Variants in PRDM15 observed in about 807,000 individuals in gnomAD.
PRDM15 encodes PR/SET domain 15, also known as PR domain zinc finger protein 15.
In PRDM15, 64 loss-of-function variants were observed where a neutral mutation model predicts 128.6. That is an observed-to-expected ratio of 0.50 (90% CI 0.41 to 0.61). PRDM15 has a LOEUF of 0.61. Among genes scored for constraint, PRDM15 ranks in the 20% least tolerant of loss-of-function variants. The pLI, the probability that PRDM15 is intolerant of heterozygous loss-of-function variation, is 0.00. For missense variants in PRDM15, 1,242 were observed against 1,569.1 expected (o/e 0.79, Z 3.52); for synonymous variants, 615 against 621.8 (o/e 0.99, Z 0.16).
intron 21 of PRDM15, among the ~76,000 whole-genome samples, chr21:41,805,788 A>T: frequency 6.8e-6 from 1 of 148,128 alleles, no homozygotes; most frequent in African/African-American, 2.5e-5. Flanking sequence ...CACCAACACC[A>T]CCACCACCAA....
intron 1 of PRDM15, among the ~76,000 whole-genome samples, chr21:41,866,835 G>C (rs1172189308): frequency 6.6e-6 from 1 of 152,200 alleles, no homozygotes; most frequent in Non-Finnish European, 1.5e-5. Context: ...GGGGAAGCCA[G>C]AGAGGGCTGG....
intron 1 of PRDM15, among the ~76,000 whole-genome samples, chr21:41,863,628 G>C (rs2063899349): frequency 6.6e-6 from 1 of 151,554 alleles, no homozygotes; most frequent in South Asian, 2.1e-4. Context: ...AGGCAAATGG[G>C]GGGTGACTTC....
rs748507496 is a variant in PRDM15 at position 41,801,254 on chromosome 21, TCTGCTG to T, written c.3406_3411del (p.Gln1136_Gln1137del). The T allele has an allele frequency of 3.3e-5, 51 of 1,530,640 alleles. No homozygotes were observed. Among genetic ancestry groups the T allele is most frequent in the Non-Finnish European group, 4.2e-5 (48 of 1,141,486 alleles). 94.8% of individuals were successfully genotyped at this position (1,530,640 alleles called of 1,614,324 possible). A position where few individuals can be genotyped will look rare whatever the true frequency, so the allele number is the denominator to read the frequency against. The stretch of plus-strand genomic sequence containing the variant: ...CGGAACGCAGCTCAGTAGCTGTACA[TCTGCTG>T]CTGCTGCTGCTCCGCCTGCACCTGG... On this transcript the variant is annotated inframe_deletion, in exon 24 of 24. Coordinates refer to ENST00000398548, the MANE Select transcript of PRDM15 (RefSeq NM_001040424.3).
Position 41,810,378 on chromosome 21 carries a change from G to T in PRDM15, c.2477-49C>A, listed in dbSNP as rs200167117. 4 of 1,571,022 alleles carry T rather than the reference G, an allele frequency of 2.5e-6. No individual in the cohort carries two copies. Among genetic ancestry groups the T allele is most frequent in the South Asian group, 2.3e-5 (2 of 85,744 alleles). ...CATGCGCGTGGAAAGGAAGAGACAC[G>T]CAGGTCACTAGTGCAGCCATCCCAA... On this transcript the variant is annotated intron_variant, in intron 20 of 23. Coordinates refer to ENST00000398548, the MANE Select transcript of PRDM15 (RefSeq NM_001040424.3). The surrounding 1 kb of genome is among the most constrained non-coding windows in gnomAD (Gnocchi z 6.4).
rs1394681026 is a variant in PRDM15, at chr21:41,839,865, G to A, written c.641-12C>T. 1 of 1,610,700 alleles carries A rather than the reference G, an allele frequency of 6.2e-7. No individual in the cohort carries two copies. The highest frequency in any genetic ancestry group is 8.5e-7 in the Non-Finnish European group (1 of 1,177,080). On this transcript the variant is annotated splice_polypyrimidine_tract_variant and intron_variant, in intron 6 of 23. Coordinates refer to ENST00000398548, the MANE Select transcript of PRDM15 (RefSeq NM_001040424.3). ...GCCCAACAGATGTTCTGCAAAGAGA[G>A]ACGCGAATGCACCACACAATTAGGA...
Position 41,870,149 on chromosome 21 carries a change from A to G in PRDM15, c.-10+9121T>C, listed in dbSNP as rs978205115. The stretch of plus-strand genomic sequence containing the variant: ...TGAGAACAATCTTGGTTTAAGCCAT[A>G]AAAATTCTTGCTCAGATTCACATAT... On this transcript the variant is annotated intron_variant, in intron 1 of 23. Coordinates refer to ENST00000398548, the MANE Select transcript of PRDM15 (RefSeq NM_001040424.3). 2.6e-5 allele frequency among the ~76,000 whole-genome samples: 4 copies of G among 152,376 alleles called. No individual in the cohort carries two copies. In the South Asian group the frequency reaches 8.3e-4, roughly 32 times the overall value.
In PRDM15 at chr21:41,874,502, CATATATAT is replaced by C. The variant is rs756151491; in HGVS notation, c.-10+4760_-10+4767del. On this transcript the variant is annotated intron_variant, in intron 1 of 23. Transcript: ENST00000398548. ...AAACCTACTATAACTAAGCAGCATGCATATATATATATATATATATATATTTTTTTTTT... is the reference window on the plus strand; with the variant it reads ...AAACCTACTATAACTAAGCAGCATGCATATATATATATATATTTTTTTTTT... Among the ~76,000 whole-genome samples the C allele has an allele frequency of 2.8e-4, 33 of 118,660 alleles. 1 individual carries two copies. The highest frequency in any genetic ancestry group is 9.4e-3 in the Middle Eastern group (2 of 212). 77.8% of individuals were successfully genotyped at this position (118,660 alleles called of 152,430 possible).
rs559901294 is a variant in PRDM15, at chr21:41,810,488, G to A, written c.2477-159C>T. The stretch of plus-strand genomic sequence containing the variant: ...CCGGTGCTGGTCCCCGAGCACACAT[G>A]AGCACAGAGCCTCTGTCCCTTGGGG... On this transcript the variant is annotated intron_variant, in intron 20 of 23. Transcript: ENST00000398548. This position sits in a 1 kb window ranked among gnomAD's most constrained non-coding sequence, Gnocchi z 6.4. 35 of 761,198 alleles carry A rather than the reference G, an allele frequency of 4.6e-5. No individual in the cohort carries two copies. The African/African-American group carries it at 5.8e-4, about 13-fold the overall frequency. The allele number at this position is 761,198 out of a possible 1,614,324, so 47.2% of individuals were successfully genotyped here.
chr21:41,817,958 A>G (rs1000746122), intron 18 of PRDM15, among the ~76,000 whole-genome samples: 9 of 152,330 alleles, frequency 5.9e-5, no homozygotes, highest in Admixed American at 1.3e-4. Context: ...ATGTGGCTTT[A>G]CCCCACACCC....
chr21:41,825,469 C>T (rs560740394), intron 13 of PRDM15, among the ~76,000 whole-genome samples: 5 of 152,354 alleles, frequency 3.3e-5, no homozygotes, highest in Admixed American at 2.0e-4. Flanking sequence ...TCTTGGGCAG[C>T]GCCGGGCATC....
At position 41,859,176 on chromosome 21, in the gene PRDM15, C is replaced by T. The variant is rs1331750755; in HGVS notation, c.131+416G>A. On this transcript the variant is annotated intron_variant, in intron 3 of 23. Transcript: ENST00000398548. This position sits in a 1 kb window ranked among gnomAD's most constrained non-coding sequence, Gnocchi z 5.3. ...TCAGCCCTGTCCCTGTCCTCATAAC[C>T]CCGCATCCCCTGCCCCGCCTGGGTG... The T allele has an allele frequency of 6.2e-7, 1 of 1,613,906 alleles. No individual in the cohort carries two copies. The highest frequency in any genetic ancestry group is 8.5e-7 in the Non-Finnish European group (1 of 1,180,016).
chr21:41,837,532 G>C (rs2062934393), intron 8 of PRDM15, among the ~76,000 whole-genome samples: 1 of 152,048 alleles, frequency 6.6e-6, no homozygotes, highest in African/African-American at 2.4e-5. Flanking sequence ...GCCAGGGGCT[G>C]GGGGAGGGGG....
chr21:41,801,052 G>C lies in PRDM15; in HGVS notation c.*188C>G. The stretch of plus-strand genomic sequence containing the variant: ...AGTTTAAAACTCTGGCCTGCCAGAG[G>C]TCCCTTCTAGAGTTAAGCTGACAGA... On this transcript the variant is annotated 3_prime_UTR_variant, in exon 24 of 24. Coordinates refer to ENST00000398548, the MANE Select transcript of PRDM15 (RefSeq NM_001040424.3). The C allele has an allele frequency of 1.3e-6, 1 of 765,312 alleles. No homozygotes were observed. Among genetic ancestry groups the C allele is most frequent in the Non-Finnish European group, 2.0e-6 (1 of 502,932 alleles). The allele number at this position is 765,312 out of a possible 1,614,324, so 47.4% of individuals were successfully genotyped here.
rs977394801 is a variant in PRDM15, at chr21:41,832,556, T to C, written c.1366+2881A>G. ...GTGCTGTGGCATTGGATTGCCACAC[T>C]CCCCTCAACCTGGGCCTCCTGAACA... On this transcript the variant is annotated intron_variant, in intron 11 of 23. Transcript: ENST00000398548. This position sits in a 1 kb window ranked among gnomAD's most constrained non-coding sequence, Gnocchi z 4.2. Among the ~76,000 whole-genome samples the C allele has an allele frequency of 1.3e-5, 2 of 152,078 alleles. No homozygotes were observed. The highest frequency in any genetic ancestry group is 1.5e-5 in the Non-Finnish European group (1 of 68,000).
rs1417439428 is a variant in PRDM15, at chr21:41,821,556, G to A, written c.1897-326C>T. Reference sequence around the variant, plus strand: ...GGGAGGAGAGAAGGGGAGGGGAAAAGGGGAGGAGAGAGGCGCCCCAGCCTG... The same window carrying A: ...GGGAGGAGAGAAGGGGAGGGGAAAAAGGGAGGAGAGAGGCGCCCCAGCCTG... On this transcript the variant is annotated intron_variant, in intron 15 of 23. Transcript: ENST00000398548. The surrounding 1 kb of genome is among the most constrained non-coding windows in gnomAD (Gnocchi z 5.4). Among the ~76,000 whole-genome samples the A allele has an allele frequency of 1.3e-5, 2 of 152,186 alleles. No individual in the cohort carries two copies. Among genetic ancestry groups the A allele is most frequent in the Non-Finnish European group, 2.9e-5 (2 of 68,018 alleles).
At chr21:41,820,041 C>A in intron 17 of PRDM15, 54 bp downstream of exon 17, 2 of 1,481,824 alleles carry the variant, frequency 1.3e-6, no homozygotes, top group South Asian at 1.1e-5. Context: ...AGCATCCCTC[C>A]CTGCCAGCCC....
chr21:41,806,427 TCAC>T (rs1568882896), intron 21 of PRDM15, among the ~76,000 whole-genome samples: 3 of 10,902 alleles, frequency 2.8e-4, no homozygotes, highest in Non-Finnish European at 3.9e-4. Context: ...ACCACCACCA[TCAC>T]CACCACCACC....
chr21:41,818,750 T>C (rs28570097), intron 18 of PRDM15, among the ~76,000 whole-genome samples: 106,493 of 151,900 alleles, frequency 0.7, 37,751 homozygotes, highest in African/African-American at 0.8. Flanking sequence ...ACAAACCTGC[T>C]GCTCCAAAAC....
intron 11 of PRDM15, among the ~76,000 whole-genome samples, chr21:41,833,967 C>G (rs900558663): frequency 6.6e-6 from 1 of 152,164 alleles, no homozygotes; most frequent in Non-Finnish European, 1.5e-5. Context: ...AGGGGAGGTT[C>G]GCAAACAAGA....
Sources: allele counts gnomAD v4.1 joint callset (sites outside exome capture counted in the v4.1 genomes callset), GRCh38; gene constraint gnomAD v4.1.1; non-coding constraint Gnocchi (gnomAD v3.1); transcripts MANE v1.5; gene names NCBI Gene and HGNC (gene_info 2026-07-23, HGNC 2026-07-21).